Variants in ATAD2B observed in about 807,000 individuals in gnomAD.
ATAD2B encodes ATPase family AAA domain containing 2B, also known as ATPase family AAA domain-containing protein 2B.
Under a neutral mutation model 167.6 loss-of-function variants are expected in ATAD2B, and 40 were observed. The ratio of observed to expected loss-of-function variants is 0.24; its 90% confidence interval spans 0.19 to 0.31. The LOEUF (loss-of-function observed/expected upper bound fraction) is 0.31. Ranked by LOEUF, ATAD2B falls within the 10% of genes least tolerant of loss-of-function variation. The probability of loss-of-function intolerance (pLI) is 1.00; values close to 1 mark genes in which losing one functional copy is unlikely to be tolerated. For missense variants in ATAD2B, 1,242 were observed against 1,757.2 expected, an observed-to-expected ratio of 0.71 and a Z score of 5.24; for synonymous variants, 579 against 596.5, an observed-to-expected ratio of 0.97 and a Z score of 0.43.
chr2:23,914,037 G>A (rs1702673524), intron 1 of ATAD2B, among the ~76,000 whole-genome samples: 1 of 152,046 alleles, frequency 6.6e-6, no homozygotes, highest in African/African-American at 2.4e-5. Context: ...ACGAGGCCAG[G>A]GCAGGAGTTC....
intron 1 of ATAD2B, among the ~76,000 whole-genome samples, chr2:23,901,909 T>C (rs1412299172): frequency 6.6e-6 from 1 of 152,008 alleles, no homozygotes; most frequent in African/African-American, 2.4e-5. Context: ...AGTAGTAAAA[T>C]ATTTGAATTT....
intron 13 of ATAD2B, 111 bp downstream of exon 13, chr2:23,857,304 G>C (rs1693579662): frequency 1.7e-6 from 1 of 589,974 alleles, no homozygotes. Context: ...CACAGACACA[G>C]ATTGTTTTAA....
chr2:23,862,634 T>C (rs1439441071), intron 12 of ATAD2B, among the ~76,000 whole-genome samples: 1 of 152,192 alleles, frequency 6.6e-6, no homozygotes, highest in African/African-American at 2.4e-5. Flanking sequence ...TACAAATAAA[T>C]AGTAGACATA....
At chr2:23,838,201 T>C (rs939909540) in intron 13 of ATAD2B, among the ~76,000 whole-genome samples, 3 of 152,154 alleles carry the variant, frequency 2.0e-5, no homozygotes, top group African/African-American at 7.2e-5. Context: ...AACTGAAAAT[T>C]AGTGACCTAG....
In ATAD2B at chr2:23,762,271, G is replaced by A. The variant is rs1397115881; in HGVS notation, c.3332C>T (p.Ala1111Val). The A allele has an allele frequency of 6.2e-7, 1 of 1,613,514 alleles. No homozygotes were observed. Among genetic ancestry groups the A allele is most frequent in the Non-Finnish European group, 8.5e-7 (1 of 1,179,702 alleles). The change falls in exon 24 of 28, where the codon GCA becomes GTA. Residue 1111 changes from alanine to valine, a missense_variant. This residue lies in a region of ATAD2B where 204 missense variants were observed against 324.0 expected (regional missense o/e 0.63). Transcript: ENST00000238789. ...TGGATTTCTTTGTTTGTGCCGAAATGCCTCTTCGACTCTAGTTTCTGTCTT... is the reference window on the plus strand; with the variant it reads ...TGGATTTCTTTGTTTGTGCCGAAATACCTCTTCGACTCTAGTTTCTGTCTT... The part of the protein sequence containing the change: ...ARKTETRVEE[A>V]FRHKQRNPMD...
chr2:23,894,162 G>C (rs565400321), intron 2 of ATAD2B, among the ~76,000 whole-genome samples: 10 of 151,620 alleles, frequency 6.6e-5, no homozygotes, highest in Non-Finnish European at 1.2e-4. Flanking sequence ...CAAAATTTTT[G>C]AGGCCTTTTT....
At chr2:23,817,762 CATTA>C (rs1686676838) in intron 17 of ATAD2B, among the ~76,000 whole-genome samples, 1 of 152,078 alleles carries the variant, frequency 6.6e-6, no homozygotes, top group Non-Finnish European at 1.5e-5. Flanking sequence ...ATAGCTGTCT[CATTA>C]TTTAATCAAA....
chr2:23,703,253 G>A, the ATAD2B span: 4 of 1,545,188 alleles, frequency 2.6e-6, no homozygotes, highest in Non-Finnish European at 3.5e-6. Flanking sequence ...CTCTGCTGCA[G>A]CCACAGTGTG....
At chr2:23,910,398 G>A (rs1410491810) in intron 1 of ATAD2B, among the ~76,000 whole-genome samples, 4 of 147,098 alleles carry the variant, frequency 2.7e-5, no homozygotes, top group African/African-American at 7.5e-5. Context: ...GGCTGGTCTC[G>A]AACTCCTGAC....
the ATAD2B span, chr2:23,691,427 C>T: frequency 1.8e-6 from 1 of 567,346 alleles, no homozygotes; most frequent in Non-Finnish European, 3.2e-6. Flanking sequence ...TTTTGATTTG[C>T]ATCTTTTTTT....
downstream of ATAD2B, among the ~76,000 whole-genome samples, chr2:23,746,972 T>C (rs1233390056): frequency 6.6e-6 from 1 of 152,182 alleles, no homozygotes; most frequent in Non-Finnish European, 1.5e-5. Context: ...GGACTTTTTC[T>C]GTTTAGTTTG....
chr2:23,921,205 CAAAAAAAAA>C lies in ATAD2B; in HGVS notation c.216+5341_216+5349del, dbSNP rs61004964. ...TGAGCTACAGAGTAAGACTCCATCT[CAAAAAAAAA>C]AAAAAAAAAAAAAAAACAACCCAAA... On this transcript the variant is annotated intron_variant, in intron 1 of 27. Coordinates refer to ENST00000238789, the MANE Select transcript of ATAD2B (RefSeq NM_017552.4). Among the ~76,000 whole-genome samples the C allele has an allele frequency of 2.8e-4, 9 of 32,290 alleles. No homozygotes were observed. In the South Asian group the frequency reaches 0.011, roughly 41 times the overall value. 21.2% of individuals were successfully genotyped at this position (32,290 alleles called of 152,430 possible).
chr2:23,909,178 GA>G (rs1335684525), intron 1 of ATAD2B, among the ~76,000 whole-genome samples: 2 of 150,866 alleles, frequency 1.3e-5, no homozygotes, highest in African/African-American at 2.4e-5. Flanking sequence ...CAGTGTGAGG[GA>G]AAAAAAAGAA....
intron 22 of ATAD2B, among the ~76,000 whole-genome samples, chr2:23,779,002 T>C (rs540553647): frequency 2.0e-5 from 3 of 152,134 alleles, no homozygotes; most frequent in East Asian, 3.9e-4. Flanking sequence ...TACCCTCACA[T>C]AGGACCCCAG....
chr2:23,830,793 T>C (rs900710039), intron 14 of ATAD2B, among the ~76,000 whole-genome samples: 1 of 151,900 alleles, frequency 6.6e-6, no homozygotes, highest in African/African-American at 2.4e-5. Context: ...TATACAAACT[T>C]CATTAGCAGC....
At chr2:23,818,499 T>G (rs1417842983) in intron 17 of ATAD2B, among the ~76,000 whole-genome samples, 1 of 151,680 alleles carries the variant, frequency 6.6e-6, no homozygotes, top group African/African-American at 2.4e-5. Flanking sequence ...GAAAAAAACT[T>G]ACAAAGAGTT....
At chr2:23,742,951 G>C in the ATAD2B span, among the ~76,000 whole-genome samples, 1 of 152,060 alleles carries the variant, frequency 6.6e-6, no homozygotes, top group Non-Finnish European at 1.5e-5. Context: ...CACACACCCA[G>C]ACAGGTCTGT....
intron 22 of ATAD2B, among the ~76,000 whole-genome samples, chr2:23,780,670 G>C (rs915235608): frequency 4.6e-5 from 7 of 151,994 alleles, no homozygotes; most frequent in Non-Finnish European, 8.8e-5. Context: ...GAGGCCGAGA[G>C]GGGCAGATCA....
the ATAD2B span, among the ~76,000 whole-genome samples, chr2:23,685,026 G>A: frequency 2.0e-5 from 3 of 152,174 alleles, no homozygotes; most frequent in East Asian, 5.8e-4. Context: ...GTGCCCCCGG[G>A]GCTGCTTTTC....
Sources: gnomAD v4.1 joint callset for allele counts (sites outside exome capture counted in the v4.1 genomes callset) on GRCh38, gnomAD v4.1.1 for gene constraint, gnomAD v4.1.1 regional missense constraint, MANE v1.5 for transcripts, NCBI Gene and HGNC (gene_info 2026-07-23, HGNC 2026-07-21) for gene names.